The following KIAA1328 variants were observed in gnomAD, a reference collection of about 807,000 sequenced individuals.
KIAA1328 encodes protein hinderin.
Under a neutral mutation model 68.1 loss-of-function variants are expected in KIAA1328, and 52 were observed. The ratio of observed to expected loss-of-function variants is 0.76; its 90% CI spans 0.61 to 0.96. The LOEUF (loss-of-function observed/expected upper bound fraction) is 0.96. Among genes scored for constraint, KIAA1328 ranks in the 40% least tolerant of loss-of-function variants. KIAA1328 has a pLI of 0.00. For missense variants in KIAA1328, 641 were observed against 677.6 expected (o/e 0.95, Z 0.60); for synonymous variants, 232 against 239.4 (o/e 0.97, Z 0.28).
intron 8 of KIAA1328, 76 bp from the exon 9 acceptor site, chr18:37,172,897 T>C: frequency 9.2e-7 from 1 of 1,086,888 alleles, no homozygotes; most frequent in Non-Finnish European, 1.4e-6. Flanking sequence ...TATAATGTCT[T>C]ATAAATTTAC....
At chr18:37,171,554 C>T (rs1038612534) in intron 8 of KIAA1328, among the ~76,000 whole-genome samples, 1 of 152,144 alleles carries the variant, frequency 6.6e-6, no homozygotes. Flanking sequence ...TGTGTCCTTA[C>T]TCTCATACCT....
intron 6 of KIAA1328, among the ~76,000 whole-genome samples, chr18:37,062,516 C>T (rs1489331889): frequency 1.3e-5 from 2 of 150,952 alleles, no homozygotes; most frequent in South Asian, 2.1e-4. Context: ...AGTGCAGTGG[C>T]GCAATCTTGT....
intron 4 of KIAA1328, among the ~76,000 whole-genome samples, chr18:36,855,435 T>G (rs2047351590): frequency 2.6e-5 from 4 of 152,174 alleles, no homozygotes; most frequent in Admixed American, 2.6e-4. Flanking sequence ...GTGCTTGTTG[T>G]CCATTTGTGA....
intron 5 of KIAA1328, among the ~76,000 whole-genome samples, chr18:36,917,014 CA>C (rs1017140982): frequency 1.3e-5 from 2 of 149,596 alleles, no homozygotes; most frequent in Non-Finnish European, 3.0e-5. Context: ...AAAGCAAAAA[CA>C]AAAAAAATCT....
intron 7 of KIAA1328, among the ~76,000 whole-genome samples, chr18:37,116,113 C>T (rs543715215): frequency 7.8e-4 from 118 of 151,960 alleles, no homozygotes; most frequent in African/African-American, 2.5e-3. Context: ...TCAATGCCAT[C>T]CCCATCAAGC....
intron 7 of KIAA1328, among the ~76,000 whole-genome samples, chr18:37,132,098 A>G (rs2058536602): frequency 6.6e-6 from 1 of 152,024 alleles, no homozygotes; most frequent in African/African-American, 2.4e-5. Flanking sequence ...CAAAAAAAAA[A>G]GGAGAGATTT....
Position 36,959,438 on chromosome 18 carries a change from A to T in KIAA1328, c.576+3A>T. 2 of 1,605,232 alleles carry T rather than the reference A, an allele frequency of 1.2e-6. No homozygotes were observed. The highest frequency in any genetic ancestry group is 1.7e-6 in the Non-Finnish European group (2 of 1,177,052). On this transcript the variant is annotated splice_donor_region_variant and intron_variant, in intron 6 of 9. Coordinates refer to ENST00000280020, the MANE Select transcript of KIAA1328 (RefSeq NM_020776.3). ...CTGCTAGAATGCAGGAACAGCAGGT[A>T]AGCATCTTTAATTTTACTTTTCTTG...
In KIAA1328 at chr18:37,096,082, C is replaced by A. The variant is rs1460320608; in HGVS notation, c.1232+28537C>A. On this transcript the variant is annotated intron_variant, in intron 7 of 9. Coordinates refer to ENST00000280020, the MANE Select transcript of KIAA1328 (RefSeq NM_020776.3). ...TTATAAAGGAGAACTGACACCAATT[C>A]TTTTTTTTTTTCTACTTTAAGTTTT... Among the ~76,000 whole-genome samples the A allele has an allele frequency of 3.4e-5, 5 of 147,740 alleles. No homozygotes were observed. The East Asian group carries it at 9.9e-4, about 29-fold the overall frequency.
chr18:36,949,598 C>CCA (rs2051063299), intron 5 of KIAA1328, among the ~76,000 whole-genome samples: 3 of 2,806 alleles, frequency 1.1e-3, no homozygotes, highest in Non-Finnish European at 5.2e-3. Flanking sequence ...CTACCCAGCT[C>CCA]CCCCCCCCCC....
chr18:36,931,913 G>T (rs1225033231), intron 5 of KIAA1328, among the ~76,000 whole-genome samples: 1 of 151,862 alleles, frequency 6.6e-6, no homozygotes, highest in African/African-American at 2.4e-5. Context: ...GAATGATTTT[G>T]CGCATAGAAT....
At chr18:36,839,011 G>T (rs953890229) in intron 3 of KIAA1328, among the ~76,000 whole-genome samples, 1 of 152,172 alleles carries the variant, frequency 6.6e-6, no homozygotes, top group Non-Finnish European at 1.5e-5. Context: ...GGGATTACAG[G>T]TGTGAGCCAC....
intron 4 of KIAA1328, among the ~76,000 whole-genome samples, chr18:36,885,203 G>C (rs190687164): frequency 4.6e-5 from 7 of 152,044 alleles, no homozygotes; most frequent in Non-Finnish European, 7.4e-5. Context: ...TCAATTGATT[G>C]TACCTGTTTT....
In KIAA1328 at chr18:37,224,433, T is replaced by TA; in HGVS notation, c.*2207dup. On this transcript the variant is annotated 3_prime_UTR_variant, in exon 10 of 10. Transcript: ENST00000280020. ...GGGCTTTCAGCAGAATATCAACCAA[T>TA]ACATTTTTCACATGCAAAACTCATC... 3.0e-6 allele frequency: 3 copies of TA among 985,396 alleles called. No homozygotes were observed. Among genetic ancestry groups the TA allele is most frequent in the Non-Finnish European group, 3.6e-6 (3 of 829,918 alleles). 61.0% of individuals were successfully genotyped at this position (985,396 alleles called of 1,614,324 possible).
At chr18:36,889,488 G>A (rs888715082) in intron 5 of KIAA1328, among the ~76,000 whole-genome samples, 1 of 152,174 alleles carries the variant, frequency 6.6e-6, no homozygotes, top group Non-Finnish European at 1.5e-5. Flanking sequence ...AATGTTTGCT[G>A]ACTTCACTGT....
Position 37,048,319 on chromosome 18 carries a change from A to G in KIAA1328, c.577-18571A>G, listed in dbSNP as rs117102146. 2.8e-4 allele frequency among the ~76,000 whole-genome samples: 43 copies of G among 152,338 alleles called. No homozygotes were observed. In the East Asian group the frequency reaches 6.5e-3, roughly 23 times the overall value. The stretch of plus-strand genomic sequence containing the variant: ...AAAGCCCTGCTTGTCCCAGATTTCC[A>G]TAAATCTCTCTTCTGAATGTAATGC... On this transcript the variant is annotated intron_variant, in intron 6 of 9. Transcript: ENST00000280020.
chr18:36,847,144 A>G (rs146385292), intron 4 of KIAA1328, among the ~76,000 whole-genome samples: 3 of 151,486 alleles, frequency 2.0e-5, no homozygotes, highest in Non-Finnish European at 4.4e-5. Context: ...ATAGGCCCAT[A>G]CTTCAATTTG....
intron 4 of KIAA1328, among the ~76,000 whole-genome samples, chr18:36,870,121 C>T (rs149270491): frequency 1.3e-5 from 2 of 152,238 alleles, no homozygotes; most frequent in Non-Finnish European, 2.9e-5. Flanking sequence ...CTCGGCCTCC[C>T]AAAGTGCTGG....
chr18:37,075,239 A>G (rs1054708364), intron 7 of KIAA1328: 2 of 152,042 alleles, frequency 1.3e-5, no homozygotes, highest in Admixed American at 6.5e-5. Flanking sequence ...ACTAAGCTTC[A>G]TAAGTGAAGG....
chr18:36,992,541 G>T (rs935989573), intron 6 of KIAA1328, among the ~76,000 whole-genome samples: 1 of 144,508 alleles, frequency 6.9e-6, no homozygotes. Context: ...AATGTTGCAT[G>T]TTCCTCTTTC....
Sources: allele counts gnomAD v4.1 joint callset (sites outside exome capture counted in the v4.1 genomes callset), GRCh38; gene constraint gnomAD v4.1.1; transcripts MANE v1.5; gene names NCBI Gene and HGNC (gene_info 2026-07-23, HGNC 2026-07-21).